GLIS3: variants seen among roughly 807,000 people sequenced by gnomAD.
GLIS3 encodes the protein GLIS family zinc finger 3, also known as zinc finger protein GLIS3.
GLIS3 carries 53 observed loss-of-function variants against 78.6 expected under a neutral mutation model. That is an observed-to-expected ratio of 0.67 (90% CI 0.54 to 0.85). GLIS3 has a LOEUF of 0.85. GLIS3 is among the 40% of genes least tolerant of loss of function. GLIS3 has a pLI of 0.00. For missense variants in GLIS3, 1,703 were observed against 1,231.1 expected (o/e 1.38, Z -5.74); for synonymous variants, 684 against 509.9 (o/e 1.34, Z -4.60).
At chr9:3,952,466 T>C (rs1400027835) in intron 4 of GLIS3, among the ~76,000 whole-genome samples, 1 of 152,186 alleles carries the variant, frequency 6.6e-6, no homozygotes, top group Non-Finnish European at 1.5e-5. Context: ...CCTAATTCTT[T>C]ACCTATCTGA....
At chr9:3,886,239 G>T (rs1420273695) in intron 7 of GLIS3, among the ~76,000 whole-genome samples, 1 of 152,146 alleles carries the variant, frequency 6.6e-6, no homozygotes, top group Non-Finnish European at 1.5e-5. Flanking sequence ...AAATGCAGAA[G>T]AGTTTACATA....
the GLIS3 span, among the ~76,000 whole-genome samples, chr9:4,354,536 C>G: frequency 1.3e-5 from 2 of 152,138 alleles, no homozygotes; most frequent in African/African-American, 4.8e-5. Flanking sequence ...CTCCAGAATC[C>G]ACGTGACCCA....
At chr9:4,336,437 T>TC (rs1817758183) in intron 2 of GLIS3, among the ~76,000 whole-genome samples, 1 of 152,156 alleles carries the variant, frequency 6.6e-6, no homozygotes. Flanking sequence ...GGGACCTGGA[T>TC]CCCTTAGGAT....
chr9:3,923,093 T>A (rs1824997327), intron 6 of GLIS3, among the ~76,000 whole-genome samples: 1 of 152,186 alleles, frequency 6.6e-6, no homozygotes, highest in African/African-American at 2.4e-5. Context: ...CTGGGTGTAG[T>A]CATAGTTGGA....
At chr9:3,829,635 G>A in intron 9 of GLIS3, 143 bp from the exon 10 acceptor site, 1 of 770,416 alleles carries the variant, frequency 1.3e-6, no homozygotes, top group Non-Finnish European at 2.2e-6. Context: ...AATCTTCCAA[G>A]CAAACATTTG....
chr9:3,841,601 CTGG>C (rs979326743), intron 9 of GLIS3, among the ~76,000 whole-genome samples: 6 of 152,154 alleles, frequency 3.9e-5, no homozygotes, highest in African/African-American at 1.4e-4. Flanking sequence ...CTCAAAATTC[CTGG>C]ATACAAGTAA....
At chr9:4,336,409 G>A (rs960336192) in intron 2 of GLIS3, among the ~76,000 whole-genome samples, 1 of 152,110 alleles carries the variant, frequency 6.6e-6, no homozygotes, top group Non-Finnish European at 1.5e-5. Context: ...CAATACTCTG[G>A]GTGGCAGTTC....
chr9:4,386,876 G>A, the GLIS3 span, among the ~76,000 whole-genome samples: 253 of 152,230 alleles, frequency 1.7e-3, no homozygotes, highest in African/African-American at 6.0e-3. Flanking sequence ...TACATTTTAT[G>A]AGAGTCAGAG....
chr9:3,869,811 A>T (rs1820858205), intron 8 of GLIS3, among the ~76,000 whole-genome samples: 1 of 152,178 alleles, frequency 6.6e-6, no homozygotes, highest in Non-Finnish European at 1.5e-5. Flanking sequence ...AAAAGCTAAC[A>T]ATTCAGTTAG....
intron 4 of GLIS3, among the ~76,000 whole-genome samples, chr9:4,030,290 G>A (rs770778499): frequency 1.3e-5 from 2 of 152,044 alleles, no homozygotes; most frequent in African/African-American, 2.4e-5. Flanking sequence ...TTTTTTGACT[G>A]GATTATTAGA....
intron 2 of GLIS3, among the ~76,000 whole-genome samples, chr9:4,339,566 A>T (rs1817802823): frequency 6.6e-6 from 1 of 151,070 alleles, no homozygotes; most frequent in Non-Finnish European, 1.5e-5. Flanking sequence ...GAACCTCTCC[A>T]ACCTGTTGCT....
At chr9:4,177,828 C>T (rs746278857) in intron 2 of GLIS3, among the ~76,000 whole-genome samples, 2 of 152,136 alleles carry the variant, frequency 1.3e-5, no homozygotes, top group African/African-American at 2.4e-5. Flanking sequence ...ACTGAATAAG[C>T]TATGCGACAG....
chr9:4,293,433 A>C (rs1294593835), intron 1 of GLIS3, among the ~76,000 whole-genome samples: 1 of 152,198 alleles, frequency 6.6e-6, no homozygotes, highest in African/African-American at 2.4e-5. Flanking sequence ...CACTGACATC[A>C]CTGCGGAAGT....
chr9:4,013,471 T>C (rs1328846341), intron 4 of GLIS3, among the ~76,000 whole-genome samples: 1 of 152,240 alleles, frequency 6.6e-6, no homozygotes, highest in Admixed American at 6.5e-5. Context: ...TGTTTCATTC[T>C]ATATGACTGT....
chr9:3,844,061 G>A (rs717423), intron 9 of GLIS3, among the ~76,000 whole-genome samples: 32,652 of 152,086 alleles, frequency 0.21, 4,109 homozygotes, highest in Middle Eastern at 0.3. Flanking sequence ...ACAATTCTAC[G>A]TAAACCAACG....
intron 2 of GLIS3, among the ~76,000 whole-genome samples, chr9:4,321,874 ATTG>A (rs1817534578): frequency 2.0e-5 from 3 of 152,054 alleles, no homozygotes; most frequent in Admixed American, 2.0e-4. Context: ...ACACCCGATA[ATTG>A]TTTTCATTTT....
At chr9:4,078,039 C>T (rs1828226470) in intron 4 of GLIS3, among the ~76,000 whole-genome samples, 1 of 152,132 alleles carries the variant, frequency 6.6e-6, no homozygotes, top group African/African-American at 2.4e-5. Context: ...GTTAAAATGA[C>T]TGGTGTGATT....
chr9:4,277,588 T>C (rs1827147251), intron 2 of GLIS3, among the ~76,000 whole-genome samples: 1 of 152,188 alleles, frequency 6.6e-6, no homozygotes, highest in Admixed American at 6.5e-5. Flanking sequence ...TGACCAACAA[T>C]AATGAATAAC....
At chr9:4,021,392 T>C (rs777271811) in intron 4 of GLIS3, among the ~76,000 whole-genome samples, 2 of 152,168 alleles carry the variant, frequency 1.3e-5, no homozygotes, top group African/African-American at 4.8e-5. Context: ...CTAATCAAAC[T>C]TAGCTAACTA....
Sources: allele counts gnomAD v4.1 joint callset (sites outside exome capture counted in the v4.1 genomes callset), GRCh38; gene constraint gnomAD v4.1.1; transcripts MANE v1.5; gene names NCBI Gene and HGNC (gene_info 2026-07-23, HGNC 2026-07-21).